Variants in ARAP2 observed in about 807,000 individuals in gnomAD.
ARAP2 encodes the protein arf-GAP with Rho-GAP domain, ANK repeat and PH domain-containing protein 2.
In ARAP2, 148 loss-of-function variants were observed where a neutral mutation model predicts 194.5. The ratio of observed to expected loss-of-function variants is 0.76; its 90% CI spans 0.67 to 0.87. The LOEUF is 0.87. ARAP2 is among the 40% of genes least tolerant of loss of function. The pLI is 0.00. For missense variants in ARAP2, 2,128 were observed against 1,989.7 expected, an observed-to-expected ratio of 1.07 and a Z score of -1.32; for synonymous variants, 695 against 683.5, an observed-to-expected ratio of 1.02 and a Z score of -0.26.
chr4:36,079,082 G>A (rs1357895548), intron 31 of ARAP2, among the ~76,000 whole-genome samples: 8 of 147,730 alleles, frequency 5.4e-5, no homozygotes, highest in African/African-American at 2.0e-4. Flanking sequence ...GCTGAGACAG[G>A]AGAATCACTT....
intron 6 of ARAP2, among the ~76,000 whole-genome samples, chr4:36,206,216 A>G (rs1745499325): frequency 6.6e-6 from 1 of 152,230 alleles, no homozygotes; most frequent in African/African-American, 2.4e-5. Context: ...AAACAGCATA[A>G]GCTCTGAACT....
At chr4:36,082,827 C>T (rs1208789064) in intron 29 of ARAP2, among the ~76,000 whole-genome samples, 1 of 152,080 alleles carries the variant, frequency 6.6e-6, no homozygotes, top group Non-Finnish European at 1.5e-5. Flanking sequence ...TGCTGGGGTA[C>T]ATGAAGTGTT....
At chr4:36,054,315 C>A (rs1444057900) in intron 2 of ARAP2, among the ~76,000 whole-genome samples, 2 of 152,106 alleles carry the variant, frequency 1.3e-5, no homozygotes, top group Admixed American at 6.6e-5. Flanking sequence ...AAATATACAC[C>A]ATTGGCATTT....
rs937300541 is a variant in ARAP2 at position 36,165,117 on chromosome 4, A to C, written c.1974-4T>G. On this transcript the variant is annotated splice_polypyrimidine_tract_variant and splice_region_variant and intron_variant, in intron 10 of 32. Transcript: ENST00000303965. ...CTTTTCAGTCTCGGCTGTAAAGCTG[A>C]AACAATTAACGTTTCTGTGTTATCG... 3 of 1,613,804 alleles carry C rather than the reference A, an allele frequency of 1.9e-6. No individual in the cohort carries two copies. Among genetic ancestry groups the C allele is most frequent in the Non-Finnish European group, 2.5e-6 (3 of 1,179,838 alleles).
At chr4:36,062,633 AGTGTGTGT>A (rs10641822), downstream of ARAP2, among the ~76,000 whole-genome samples, 878 of 148,258 alleles carry the variant, frequency 5.9e-3, 11 homozygotes, top group African/African-American at 0.02. Context: ...TTTGTGTGAG[AGTGTGTGT>A]GTGTGTGTGT....
chr4:36,157,436 A>T (rs1410001004), intron 15 of ARAP2: 1 of 152,140 alleles, frequency 6.6e-6, no homozygotes, highest in African/African-American at 2.4e-5. Flanking sequence ...GGCTGAGTAA[A>T]GGATGACAAA....
In ARAP2 at chr4:36,130,970, G is replaced by C. The variant is rs959339322; in HGVS notation, c.3428-2225C>G. ...CTGAAATAATTTTCCCCAAGAACTA[G>C]TGTAATTTACTTTTTAAAAATTAAA... On this transcript the variant is annotated intron_variant, in intron 20 of 32. Coordinates refer to ENST00000303965, the MANE Select transcript of ARAP2 (RefSeq NM_015230.4). Among the ~76,000 whole-genome samples, 5 of 151,772 alleles carry C rather than the reference G, an allele frequency of 3.3e-5. No homozygotes were observed. The Admixed American group carries it at 3.3e-4, about 10-fold the overall frequency.
chr4:36,114,630 C>T (rs988260451), intron 25 of ARAP2, among the ~76,000 whole-genome samples: 44 of 151,986 alleles, frequency 2.9e-4, no homozygotes, highest in African/African-American at 1.4e-4. Flanking sequence ...AATTTTTACT[C>T]AACAGTTCTA....
At chr4:36,161,681 T>C in intron 11 of ARAP2, 131 bp from the exon 12 acceptor site, 1 of 629,166 alleles carries the variant, frequency 1.6e-6, no homozygotes, top group Non-Finnish European at 2.8e-6. Context: ...CACCAATACC[T>C]GCTTTCCTCA....
chr4:36,132,086 A>G (rs1251832335), intron 20 of ARAP2, among the ~76,000 whole-genome samples: 1 of 151,820 alleles, frequency 6.6e-6, no homozygotes, highest in Non-Finnish European at 1.5e-5. Context: ...AAATATGCCT[A>G]AGTTTAATTT....
intron 11 of ARAP2, among the ~76,000 whole-genome samples, chr4:36,162,783 A>G (rs890590266): frequency 1.1e-4 from 17 of 152,146 alleles, no homozygotes; most frequent in African/African-American, 3.9e-4. Flanking sequence ...CCTAGGCATG[A>G]CAGATTCTGA....
rs755762856 is a variant in ARAP2 at position 36,133,389 on chromosome 4, T to A, written c.3264A>T (p.Arg1088Ser). 1.9e-6 allele frequency: 3 copies of A among 1,603,216 alleles called. No homozygotes were observed. In the South Asian group the frequency reaches 3.4e-5, roughly 18 times the overall value. Reference sequence around the variant, plus strand: ...TGGTATGCCCATGGATGTATAATGTTCTGTAAAGTTTAAAAAGCATTTCAA... The same window carrying A: ...TGGTATGCCCATGGATGTATAATGTACTGTAAAGTTTAAAAAGCATTTCAA... ...LDVLLLVEKGRTLYIHGHTKL... is the reference protein window; with the variant it reads ...LDVLLLVEKGSTLYIHGHTKL... The change falls in exon 20 of 33, where the codon AGA becomes AGT. Residue 1088 changes from arginine to serine, a missense_variant and splice_region_variant. By Grantham distance (110) the Arg-to-Ser change is moderately radical. Coordinates refer to ENST00000303965, the MANE Select transcript of ARAP2 (RefSeq NM_015230.4).
chr4:36,182,495 C>CTAAATAAA (rs71201004), intron 8 of ARAP2, among the ~76,000 whole-genome samples: 9,752 of 140,646 alleles, frequency 0.069, 383 homozygotes, highest in South Asian at 0.098. Context: ...GACTCCATCT[C>CTAAATAAA]TAAATAAATA....
At chr4:36,120,095 A>G (rs536222169) in intron 23 of ARAP2, among the ~76,000 whole-genome samples, 62 of 151,694 alleles carry the variant, frequency 4.1e-4, no homozygotes, top group Admixed American at 2.7e-3. Flanking sequence ...GTAAAGTTTA[A>G]CATAACTATG....
chr4:36,147,427 A>T, intron 18 of ARAP2, 68 bp from the exon 19 acceptor site: 2 of 1,582,034 alleles, frequency 1.3e-6, no homozygotes, highest in Non-Finnish European at 1.7e-6. Context: ...TGAAGACACA[A>T]ATATTAATAC....
intron 12 of ARAP2, 46 bp downstream of exon 12, chr4:36,161,419 A>T (rs754502174): frequency 6.6e-7 from 1 of 1,519,714 alleles, no homozygotes; most frequent in African/African-American, 1.4e-5. Flanking sequence ...CAGTCTCTGC[A>T]AACTGAACCC....
At chr4:36,075,673 A>G (rs1019388901) in intron 31 of ARAP2, among the ~76,000 whole-genome samples, 1 of 152,042 alleles carries the variant, frequency 6.6e-6, no homozygotes, top group Non-Finnish European at 1.5e-5. Context: ...TTCCTTGTAA[A>G]TATCTTCAAG....
rs771151340 is a variant in ARAP2 at position 36,148,525 on chromosome 4, A to T, written c.2898-18T>A. 11 of 1,555,920 alleles carry T rather than the reference A, an allele frequency of 7.1e-6. No homozygotes were observed. Among genetic ancestry groups the T allele is most frequent in the Non-Finnish European group, 9.7e-6 (11 of 1,129,482 alleles). ...AGATGGGCCTAAAACATGCACAAAT[A>T]AAAAGATACTACCAGTTATATTTAG... On this transcript the variant is annotated intron_variant, in intron 16 of 32. Coordinates refer to ENST00000303965, the MANE Select transcript of ARAP2 (RefSeq NM_015230.4).
At chr4:36,017,564 T>TAAAAAGAAAAAAAAAAAAAA (rs1716067454) in intron 6 of ARAP2, among the ~76,000 whole-genome samples, 1 of 42,578 alleles carries the variant, frequency 2.3e-5, no homozygotes, top group Non-Finnish European at 3.8e-5. Context: ...AAGAAAGTGG[T>TAAAAAGAAAAAAAAAAAAAA]AAAAAAAAAA....
Sources: allele counts gnomAD v4.1 joint callset (sites outside exome capture counted in the v4.1 genomes callset), GRCh38; gene constraint gnomAD v4.1.1; transcripts MANE v1.5; gene names NCBI Gene and HGNC (gene_info 2026-07-23, HGNC 2026-07-21).